The following TMEM106A variants were observed in gnomAD, a reference collection of about 807,000 sequenced individuals.
TMEM106A encodes transmembrane protein 106A.
TMEM106A carries 22 observed loss-of-function variants against 25.1 expected under a neutral mutation model. The observed-to-expected ratio is 0.88, with a 90% CI of 0.63 to 1.25. TMEM106A has a LOEUF of 1.25. Ranked by LOEUF, TMEM106A falls within the 50% of genes most tolerant of loss-of-function variation. The pLI is 0.00. For synonymous variants in TMEM106A, 104 were observed against 129.9 expected, an observed-to-expected ratio of 0.80 and a Z score of 1.35; for missense variants, 275 against 318.1, an observed-to-expected ratio of 0.86 and a Z score of 1.03.
chr17:43,215,308 T>TA (rs1347530959), intron 4 of TMEM106A, among the ~76,000 whole-genome samples: 1 of 152,206 alleles, frequency 6.6e-6, no homozygotes, highest in East Asian at 1.9e-4. Flanking sequence ...TACTATCTCT[T>TA]TAATGCATAT....
chr17:43,218,054 GT>G lies in TMEM106A; in HGVS notation c.*263del, dbSNP rs527494637. 878 of 416,134 alleles carry G rather than the reference GT, an allele frequency of 2.1e-3. No homozygotes were observed. The highest frequency in any genetic ancestry group is 2.9e-3 in the East Asian group (60 of 20,418). 25.8% of individuals were successfully genotyped at this position (416,134 alleles called of 1,614,324 possible). On this transcript the variant is annotated 3_prime_UTR_variant, in exon 9 of 9. Coordinates refer to ENST00000612339, the MANE Select transcript of TMEM106A (RefSeq NM_145041.4). The stretch of plus-strand genomic sequence containing the variant: ...AGATTCTGCCCTTGGTTAGTTTTTT[GT>G]TTTTTTTTTGGTAGAGACAGAGTCT...
chr17:43,217,238 TTC>T lies in TMEM106A; in HGVS notation c.615-17_615-16del. 6.2e-7 allele frequency: 1 copy of T among 1,614,086 alleles called. No individual in the cohort carries two copies. Among genetic ancestry groups the T allele is most frequent in the Non-Finnish European group, 8.5e-7 (1 of 1,179,942 alleles). On this transcript the variant is annotated intron_variant, in intron 7 of 8. Transcript: ENST00000612339. ...GCTCCATGTGACACGTGGTCCCACG[TTC>T]TCTTTTCTTCTCTCTCAGCAAAATC...
intron 4 of TMEM106A, 42 bp downstream of exon 4, chr17:43,213,933 C>CCAGGGGCAA: frequency 6.2e-7 from 1 of 1,600,916 alleles, no homozygotes; most frequent in Non-Finnish European, 8.6e-7. Context: ...GCCATTGCCC[C>CCAGGGGCAA]TGGGGGCTGC....
Position 43,219,122 on chromosome 17 carries a change from G to A in TMEM106A, c.*1321G>A, listed in dbSNP as rs2057513022. On this transcript the variant is annotated 3_prime_UTR_variant, in exon 9 of 9. Transcript: ENST00000612339. Reference sequence around the variant, plus strand: ...TCCTGAGCCCATGTGAGTGGACACAGGTAGGTAAAACGGTGGGTCCAGCTG... The same window carrying A: ...TCCTGAGCCCATGTGAGTGGACACAAGTAGGTAAAACGGTGGGTCCAGCTG... 1 of 152,200 alleles carries A rather than the reference G, an allele frequency of 6.6e-6. No individual in the cohort carries two copies. Among genetic ancestry groups the A allele is most frequent in the Non-Finnish European group, 1.5e-5 (1 of 68,054 alleles). 9.4% of individuals were successfully genotyped at this position (152,200 alleles called of 1,614,324 possible). A position where few individuals can be genotyped will look rare whatever the true frequency, so the allele number is the denominator to read the frequency against.
rs1269085222 is a variant in TMEM106A at position 43,217,875 on chromosome 17, G to A, written c.*74G>A. 8.1e-6 allele frequency: 13 copies of A among 1,600,752 alleles called. No homozygotes were observed. The South Asian group carries it at 9.0e-5, about 11-fold the overall frequency. Reference sequence around the variant, plus strand: ...CTCCCACAACTCCCTGGTGACTAAGGAAGGACTACAGAGGCTTTGCCAAAG... The same window carrying A: ...CTCCCACAACTCCCTGGTGACTAAGAAAGGACTACAGAGGCTTTGCCAAAG... On this transcript the variant is annotated 3_prime_UTR_variant, in exon 9 of 9. Coordinates refer to ENST00000612339, the MANE Select transcript of TMEM106A (RefSeq NM_145041.4).
rs543069391 is a variant in TMEM106A at position 43,216,203 on chromosome 17, G to C, written c.430-246G>C. The C allele has an allele frequency of 2.3e-5, 15 of 654,994 alleles. No individual in the cohort carries two copies. In the South Asian group the frequency reaches 2.3e-4, roughly 10 times the overall value. 40.6% of individuals were successfully genotyped at this position (654,994 alleles called of 1,614,324 possible). ...GGGGTGACAGTGCCTGAGACTCTCT[G>C]GATGGACAGGACTGAATGGAAAGAA... On this transcript the variant is annotated intron_variant, in intron 5 of 8. Transcript: ENST00000612339.
Position 43,214,103 on chromosome 17 carries a change from C to T in TMEM106A, c.275+212C>T, listed in dbSNP as rs867511125. The T allele has an allele frequency of 4.8e-5, 23 of 478,536 alleles. No homozygotes were observed. The South Asian group carries it at 7.4e-4, about 15-fold the overall frequency. The allele number at this position is 478,536 out of a possible 1,614,324, so 29.6% of individuals were successfully genotyped here. ...TGGTGGCTCATGCCTGTAATCCCAG[C>T]ACTTTGGGAGGCCAAGGCAGGCAGA... is the stretch of plus-strand genomic sequence containing the variant. On this transcript the variant is annotated intron_variant, in intron 4 of 8. Coordinates refer to ENST00000612339, the MANE Select transcript of TMEM106A (RefSeq NM_145041.4).
At chr17:43,215,651 C>A in intron 4 of TMEM106A, 137 bp from the exon 5 acceptor site, 1 of 918,040 alleles carries the variant, frequency 1.1e-6, no homozygotes, top group Non-Finnish European at 1.7e-6. Flanking sequence ...CGGGCCACAT[C>A]TGGGGAGCTA....
chr17:43,217,776 A>G lies in TMEM106A; in HGVS notation c.764A>G (p.His255Arg). Reference sequence around the variant, plus strand: ...TGCCGAGGAAACGCATCTGTGCCCCACCAGCTGACCCCTCACCCACCATGA... The same window carrying G: ...TGCCGAGGAAACGCATCTGTGCCCCGCCAGCTGACCCCTCACCCACCATGA... ...VDCRGNASVP[H>R]QLTPHPP Residue 255 changes from histidine to arginine, a missense_variant, in exon 9 of 9, where the codon CAC (histidine) becomes CGC (arginine). Physicochemically the swap from His to Arg is conservative, Grantham distance 29. Transcript: ENST00000612339. The G allele has an allele frequency of 6.2e-7, 1 of 1,614,082 alleles. No individual in the cohort carries two copies. Among genetic ancestry groups the G allele is most frequent in the African/African-American group, 1.3e-5 (1 of 75,016 alleles).
chr17:43,212,855 G>C (rs921612797), intron 2 of TMEM106A, among the ~76,000 whole-genome samples, 166 bp from the exon 3 acceptor site: 1 of 152,152 alleles, frequency 6.6e-6, no homozygotes, highest in Non-Finnish European at 1.5e-5. Flanking sequence ...TGAGACTTCT[G>C]AGAGTCCCAT....
At position 43,217,698 on chromosome 17, in the gene TMEM106A, C is replaced by G; in HGVS notation, c.686C>G (p.Ser229Ter). 3 of 1,614,190 alleles carry G rather than the reference C, an allele frequency of 1.9e-6. No homozygotes were observed. Among genetic ancestry groups the G allele is most frequent in the Non-Finnish European group, 1.7e-6 (2 of 1,180,030 alleles). Residue 229 changes from serine (S) to a stop codon, truncating the protein, a stop_gained, in exon 9 of 9, where the codon TCA becomes TGA. Coordinates refer to ENST00000612339, the MANE Select transcript of TMEM106A (RefSeq NM_145041.4). LOFTEE classifies it low-confidence loss of function (END_TRUNC). ...CTCTCCAGGGGCACCCTGACCTGTTCATACCTGAGCCATTCAGAGCAGCTG... is the reference window on the plus strand; with the variant it reads ...CTCTCCAGGGGCACCCTGACCTGTTGATACCTGAGCCATTCAGAGCAGCTG... ...LLHIQGTLTC[S>*]YLSHSEQLVF...
rs182934423 is a variant in TMEM106A at position 43,215,088 on chromosome 17, C to T, written c.276-700C>T. On this transcript the variant is annotated intron_variant, in intron 4 of 8. Transcript: ENST00000612339. Reference sequence around the variant, plus strand: ...GGCAAAACCGCCTCTACTAAAAATACAAAAATTAGCCGGGCATAGTGGCAG... The same window carrying T: ...GGCAAAACCGCCTCTACTAAAAATATAAAAATTAGCCGGGCATAGTGGCAG... Among the ~76,000 whole-genome samples the T allele has an allele frequency of 6.7e-4, 101 of 149,994 alleles. No homozygotes were observed. In the Middle Eastern group the frequency reaches 0.014, roughly 21 times the overall value.
chr17:43,217,175 A>G, intron 7 of TMEM106A, 84 bp from the exon 8 acceptor site: 4 of 1,418,026 alleles, frequency 2.8e-6, no homozygotes, highest in Non-Finnish European at 4.0e-6. Flanking sequence ...TGGGGTAAGG[A>G]AACTGGGACC....
At chr17:43,212,967 A>G (rs1207682003) in intron 2 of TMEM106A, 54 bp from the exon 3 acceptor site, 1 of 1,454,084 alleles carries the variant, frequency 6.9e-7, no homozygotes, top group African/African-American at 1.4e-5. Flanking sequence ...CCAAAATTAC[A>G]TCTGGCGTCA....
intron 7 of TMEM106A, 177 bp downstream of exon 7, chr17:43,216,917 C>T: frequency 1.3e-6 from 1 of 786,324 alleles, no homozygotes; most frequent in Non-Finnish European, 2.1e-6. Context: ...CTTGTTTGGA[C>T]CTTGATTAGA....
chr17:43,219,309 G>C lies in TMEM106A; in HGVS notation c.*1508G>C, dbSNP rs995584594. 1 of 152,134 alleles carries C rather than the reference G, an allele frequency of 6.6e-6. No homozygotes were observed. Among genetic ancestry groups the C allele is most frequent in the Admixed American group, 6.6e-5 (1 of 15,248 alleles). The allele number at this position is 152,134 out of a possible 1,614,324, so 9.4% of individuals were successfully genotyped here. On this transcript the variant is annotated 3_prime_UTR_variant, in exon 9 of 9. Transcript: ENST00000612339. ...TGGAGCAGCACATCAGCAGGGACTG[G>C]TCTAGACCCTCCCTTTCCTGTCACT...
At chr17:43,215,485 C>T (rs2057476457) in intron 4 of TMEM106A, among the ~76,000 whole-genome samples, 1 of 152,134 alleles carries the variant, frequency 6.6e-6, no homozygotes, top group Non-Finnish European at 1.5e-5. Context: ...ATAACAAATT[C>T]TGTGAGGTCA....
At chr17:43,214,056 T>C in intron 4 of TMEM106A, 165 bp downstream of exon 4, 1 of 698,828 alleles carries the variant, frequency 1.4e-6, no homozygotes, top group East Asian at 2.8e-5. Flanking sequence ...TTTTCCTGAT[T>C]TAGAAGCTCC....
chr17:43,216,919 T>A, intron 7 of TMEM106A, 179 bp downstream of exon 7: 1 of 767,920 alleles, frequency 1.3e-6, no homozygotes, highest in Non-Finnish European at 2.1e-6. Flanking sequence ...TGTTTGGACC[T>A]TGATTAGAAT....
Sources: allele counts gnomAD v4.1 joint callset (sites outside exome capture counted in the v4.1 genomes callset), GRCh38; gene constraint gnomAD v4.1.1; transcripts MANE v1.5; gene names NCBI Gene and HGNC (gene_info 2026-07-23, HGNC 2026-07-21).